PRLR: variants seen among roughly 807,000 people sequenced by gnomAD.
PRLR encodes the protein prolactin receptor.
A neutral mutation model predicts 40.2 loss-of-function variants in PRLR; 13 were observed. The observed-to-expected ratio is 0.32, with a 90% confidence interval of 0.21 to 0.51. PRLR has a LOEUF of 0.51. Among genes scored for constraint, PRLR ranks in the 20% least tolerant of loss-of-function variants. PRLR has a pLI of 0.97. For missense variants in PRLR, 656 were observed against 747.3 expected (o/e 0.88, Z 1.42); for synonymous variants, 269 against 278.7 (o/e 0.97, Z 0.35).
At chr5:35,124,017 G>C (rs932292762) in intron 1 of PRLR, among the ~76,000 whole-genome samples, 2 of 152,154 alleles carry the variant, frequency 1.3e-5, no homozygotes, top group Non-Finnish European at 2.9e-5. Flanking sequence ...AGATGATATA[G>C]AAGACAAGGA....
chr5:35,188,120 C>A (rs1021616633), intron 1 of PRLR, among the ~76,000 whole-genome samples: 45 of 152,306 alleles, frequency 3.0e-4, no homozygotes, highest in African/African-American at 1.0e-3. Context: ...GGCAGCCACC[C>A]AGCTCCGTCA....
At chr5:35,129,251 G>A (rs1773574658) in intron 1 of PRLR, among the ~76,000 whole-genome samples, 1 of 152,108 alleles carries the variant, frequency 6.6e-6, no homozygotes, top group South Asian at 2.1e-4. Context: ...TGGCATTTAG[G>A]CATCAAGAGA....
chr5:35,116,268 A>G (rs1192464618), intron 2 of PRLR, among the ~76,000 whole-genome samples: 1 of 152,186 alleles, frequency 6.6e-6, no homozygotes, highest in African/African-American at 2.4e-5. Context: ...GGTACCACAG[A>G]TAAATCTGCT....
chr5:35,103,251 A>G (rs1190440478), intron 2 of PRLR, among the ~76,000 whole-genome samples: 1 of 152,208 alleles, frequency 6.6e-6, no homozygotes, highest in Non-Finnish European at 1.5e-5. Flanking sequence ...AAAATATGGT[A>G]TAGTATGTTT....
intron 1 of PRLR, among the ~76,000 whole-genome samples, chr5:35,197,464 C>A (rs928911753): frequency 3.3e-5 from 5 of 152,190 alleles, no homozygotes; most frequent in African/African-American, 1.2e-4. Context: ...CTGGGAGTGA[C>A]CCCCGATTGG....
At chr5:35,104,391 C>G (rs1016734566) in intron 2 of PRLR, among the ~76,000 whole-genome samples, 4 of 151,186 alleles carry the variant, frequency 2.6e-5, no homozygotes, top group African/African-American at 9.8e-5. Context: ...GTGGGTGCAG[C>G]CCACGGAGTG....
chr5:35,050,002 G>A (rs1274202823), intron 8 of PRLR, among the ~76,000 whole-genome samples: 1 of 150,024 alleles, frequency 6.7e-6, no homozygotes, highest in Non-Finnish European at 1.5e-5. Flanking sequence ...CCGCCTCCCA[G>A]GTTCAAGCAA....
rs140850762 is a variant in PRLR, at chr5:35,184,237, G to C, written c.-106+46031C>G. 8.2e-3 allele frequency among the ~76,000 whole-genome samples: 1,256 copies of C among 152,310 alleles called. 21 individuals are homozygous for C. Among genetic ancestry groups the C allele is most frequent in the African/African-American group, 0.029 (1,210 of 41,570 alleles). ...AAGCTTTCAAGATAAAAACTGGCCA[G>C]GCACGGTGGCTCACGTCTGTAATCC... On this transcript the variant is annotated intron_variant, in intron 1 of 9. Transcript: ENST00000618457.
chr5:35,222,086 G>C (rs1408680111), intron 1 of PRLR, among the ~76,000 whole-genome samples: 10 of 152,154 alleles, frequency 6.6e-5, no homozygotes, highest in African/African-American at 2.2e-4. Context: ...GGGCAGATCA[G>C]GAGGTCAAGA....
At chr5:35,220,023 C>T (rs1046499793) in intron 1 of PRLR, among the ~76,000 whole-genome samples, 7 of 152,142 alleles carry the variant, frequency 4.6e-5, no homozygotes, top group Admixed American at 3.3e-4. Flanking sequence ...TTGCTGTCAC[C>T]TTGGCATGAT....
intron 1 of PRLR, among the ~76,000 whole-genome samples, chr5:35,166,313 A>C (rs1317280843): frequency 1.3e-5 from 2 of 152,192 alleles, no homozygotes; most frequent in Non-Finnish European, 2.9e-5. Flanking sequence ...TATTGGAATA[A>C]ATTTCCAGCC....
rs560909882 is a variant in PRLR at position 35,083,676 on chromosome 5, C to T, written c.373+794G>A. 6.4e-3 allele frequency among the ~76,000 whole-genome samples: 979 copies of T among 151,810 alleles called. 17 individuals are homozygous for T. Among genetic ancestry groups the T allele is most frequent in the African/African-American group, 0.023 (944 of 41,370 alleles). ...CTGGGATTACAGGCACGCACCACCA[C>T]AGCCGGCTAATTTTTGTATTTTTAG... On this transcript the variant is annotated intron_variant, in intron 5 of 9. Coordinates refer to ENST00000618457, the MANE Select transcript of PRLR (RefSeq NM_000949.7).
rs114313493 is a variant in PRLR, at chr5:35,180,303, G to A, written c.-106+49965C>T. On this transcript the variant is annotated intron_variant, in intron 1 of 9. Transcript: ENST00000618457. ...ACAGGCCATGGACCAATACTGATCC[G>A]TGGCCTGGGGGTTGGGGACCTTGGT... 3.9e-3 allele frequency among the ~76,000 whole-genome samples: 587 copies of A among 152,254 alleles called. 6 individuals are homozygous for A. The highest frequency in any genetic ancestry group is 0.013 in the African/African-American group (551 of 41,532).
intron 1 of PRLR, among the ~76,000 whole-genome samples, chr5:35,222,020 G>A (rs1244532354): frequency 6.6e-6 from 1 of 152,152 alleles, no homozygotes; most frequent in East Asian, 1.9e-4. Flanking sequence ...AAATGTAGCT[G>A]TTGGCCGGGT....
chr5:35,207,485 T>C (rs1423359238), intron 1 of PRLR, among the ~76,000 whole-genome samples: 1 of 152,004 alleles, frequency 6.6e-6, no homozygotes, highest in African/African-American at 2.4e-5. Flanking sequence ...TATAAAGGCT[T>C]AAAAAGAAGT....
chr5:35,199,668 G>T (rs1775827682), intron 1 of PRLR, among the ~76,000 whole-genome samples: 1 of 151,988 alleles, frequency 6.6e-6, no homozygotes, highest in Non-Finnish European at 1.5e-5. Flanking sequence ...TATTAAATGA[G>T]TACTACAGTA....
intron 8 of PRLR, among the ~76,000 whole-genome samples, chr5:35,049,993 C>T (rs868360131): frequency 5.3e-5 from 8 of 151,136 alleles, no homozygotes; most frequent in Non-Finnish European, 7.4e-5. Context: ...CCGCAACCTC[C>T]GCCTCCCAGG....
intron 1 of PRLR, among the ~76,000 whole-genome samples, chr5:35,221,402 C>CTGAG (rs1389013718): frequency 6.6e-6 from 1 of 152,160 alleles, no homozygotes; most frequent in African/African-American, 2.4e-5. Flanking sequence ...GATGAGGCTA[C>CTGAG]TGAGTGTGAG....
intron 1 of PRLR, among the ~76,000 whole-genome samples, chr5:35,228,568 G>A (rs562483574): frequency 1.8e-4 from 27 of 152,342 alleles, no homozygotes; most frequent in Admixed American, 9.8e-4. Flanking sequence ...GTGACCTGAA[G>A]AGCACTCTGA....
Sources: allele counts gnomAD v4.1 joint callset (sites outside exome capture counted in the v4.1 genomes callset), GRCh38; gene constraint gnomAD v4.1.1; transcripts MANE v1.5; gene names NCBI Gene and HGNC (gene_info 2026-07-23, HGNC 2026-07-21).